Variants in AGBL4 observed in about 807,000 individuals in gnomAD.
AGBL4 encodes the protein cytosolic carboxypeptidase 6.
A neutral mutation model predicts 66.4 loss-of-function variants in AGBL4; 58 were observed. The ratio of observed to expected loss-of-function variants is 0.87; its 90% CI spans 0.71 to 1.09. The LOEUF (loss-of-function observed/expected upper bound fraction) is 1.09, where lower values mean the gene tolerates loss of function less well. Among genes scored for constraint, AGBL4 ranks in the 50% least tolerant of loss-of-function variants. The probability of loss-of-function intolerance (pLI) is 0.00; values close to 1 mark genes in which losing one functional copy is unlikely to be tolerated. For missense variants in AGBL4, 579 were observed against 631.0 expected (o/e 0.92, Z 0.88); for synonymous variants, 234 against 222.9 (o/e 1.05, Z -0.44).
chr1:49,118,577 ATG>A (rs1413981690), intron 4 of AGBL4, among the ~76,000 whole-genome samples: 3 of 152,042 alleles, frequency 2.0e-5, no homozygotes, highest in Non-Finnish European at 4.4e-5. Context: ...AAGCTTTTTG[ATG>A]TGCTGCTGGA....
At chr1:48,689,442 C>T (rs150293883) in intron 6 of AGBL4, among the ~76,000 whole-genome samples, 10,055 of 145,196 alleles carry the variant, frequency 0.069, 1,169 homozygotes, top group African/African-American at 0.26. Flanking sequence ...CTTTCCTTCC[C>T]TCCCTCCCTC....
chr1:49,413,386 T>A (rs1390873532), intron 3 of AGBL4, among the ~76,000 whole-genome samples: 1 of 152,126 alleles, frequency 6.6e-6, no homozygotes, highest in Admixed American at 6.6e-5. Flanking sequence ...TAAGAAGGCA[T>A]TAAACAAATA....
chr1:49,837,566 G>A (rs1406597723), intron 2 of AGBL4, among the ~76,000 whole-genome samples: 1 of 152,158 alleles, frequency 6.6e-6, no homozygotes, highest in Non-Finnish European at 1.5e-5. Context: ...GCTTCTCCTG[G>A]CCAGATGCAG....
At chr1:48,944,815 T>C (rs12038807) in intron 5 of AGBL4, among the ~76,000 whole-genome samples, 13,767 of 152,250 alleles carry the variant, frequency 0.09, 707 homozygotes, top group Non-Finnish European at 0.1. Flanking sequence ...GTGTTACATA[T>C]GGGGAAAGCA....
chr1:50,019,967 T>G (rs1300892396), intron 1 of AGBL4, among the ~76,000 whole-genome samples: 1 of 152,082 alleles, frequency 6.6e-6, no homozygotes, highest in Non-Finnish European at 1.5e-5. Flanking sequence ...TTTATAAATC[T>G]GACCCTCTTA....
chr1:49,665,984 TATTTTAATATTTTTAAAATTTTTAAAAA>T (rs1646358182), intron 3 of AGBL4, among the ~76,000 whole-genome samples: 1 of 151,318 alleles, frequency 6.6e-6, no homozygotes, highest in Non-Finnish European at 1.5e-5. Context: ...TTTTTAAAAA[TATTTTAATATTTTTAAAATTTTTAAAAA>T]ATTTTTTTTC....
At chr1:49,539,927 G>A (rs1570980154) in intron 3 of AGBL4, among the ~76,000 whole-genome samples, 1 of 152,176 alleles carries the variant, frequency 6.6e-6, no homozygotes, top group Admixed American at 6.5e-5. Flanking sequence ...ATTTGGAGTG[G>A]AGTGTTCATA....
At chr1:49,891,575 A>G (rs1171471621) in intron 1 of AGBL4, among the ~76,000 whole-genome samples, 1 of 152,196 alleles carries the variant, frequency 6.6e-6, no homozygotes, top group African/African-American at 2.4e-5. Flanking sequence ...CTAACCTAGT[A>G]AGTCAAAGAA....
intron 4 of AGBL4, among the ~76,000 whole-genome samples, chr1:49,180,414 C>G (rs1479487489): frequency 6.6e-6 from 1 of 152,176 alleles, no homozygotes; most frequent in African/African-American, 2.4e-5. Context: ...TGTCATTTAT[C>G]TGGCCCCTGC....
At chr1:49,363,322 C>G (rs1247121393) in intron 3 of AGBL4, among the ~76,000 whole-genome samples, 1 of 152,096 alleles carries the variant, frequency 6.6e-6, no homozygotes, top group Non-Finnish European at 1.5e-5. Context: ...AATGAGGACC[C>G]CAAAAGTACA....
At chr1:49,877,364 T>C (rs887704880) in intron 1 of AGBL4, among the ~76,000 whole-genome samples, 26 of 152,174 alleles carry the variant, frequency 1.7e-4, no homozygotes, top group African/African-American at 5.8e-4. Flanking sequence ...AGTTTTTAGC[T>C]TGAAGGGTTG....
intron 3 of AGBL4, among the ~76,000 whole-genome samples, chr1:49,542,908 A>AAG (rs1558035577): frequency 6.7e-6 from 1 of 148,716 alleles, no homozygotes; most frequent in East Asian, 1.9e-4. Flanking sequence ...AAAAAAAAAA[A>AAG]AAAAAAAAAA....
chr1:48,741,776 G>A (rs764618226), intron 6 of AGBL4, among the ~76,000 whole-genome samples: 4 of 152,136 alleles, frequency 2.6e-5, no homozygotes, highest in Admixed American at 1.3e-4. Context: ...AACACATGAC[G>A]CGTTAAGGAG....
chr1:48,763,734 T>C (rs1425325313), intron 6 of AGBL4, among the ~76,000 whole-genome samples: 1 of 152,204 alleles, frequency 6.6e-6, no homozygotes, highest in East Asian at 1.9e-4. Context: ...CACAAAACCA[T>C]GTTAACATCT....
chr1:49,387,262 G>A (rs1570591144), intron 3 of AGBL4, among the ~76,000 whole-genome samples: 1 of 151,902 alleles, frequency 6.6e-6, no homozygotes, highest in African/African-American at 2.4e-5. Context: ...TGTGATAATA[G>A]CTTTACATGC....
At chr1:48,801,909 AC>A (rs970555377) in intron 6 of AGBL4, among the ~76,000 whole-genome samples, 4 of 42,388 alleles carry the variant, frequency 9.4e-5, no homozygotes, top group Non-Finnish European at 2.1e-4. Flanking sequence ...CTCCATAATA[AC>A]TTTTTTTTTT....
chr1:49,478,581 A>C (rs1646891655), intron 3 of AGBL4, among the ~76,000 whole-genome samples: 1 of 152,044 alleles, frequency 6.6e-6, no homozygotes, highest in Admixed American at 6.6e-5. Context: ...TGCCATATAA[A>C]AAATGCTAAA....
intron 8 of AGBL4, among the ~76,000 whole-genome samples, chr1:48,649,189 C>A (rs1010194206): frequency 2.0e-5 from 3 of 152,142 alleles, no homozygotes; most frequent in African/African-American, 7.2e-5. Flanking sequence ...CATAAATAAA[C>A]ACATAATTAC....
intron 9 of AGBL4, among the ~76,000 whole-genome samples, chr1:48,591,684 T>A (rs1479401361): frequency 1.3e-5 from 2 of 152,220 alleles, no homozygotes; most frequent in African/African-American, 4.8e-5. Context: ...GAGTCTTAGT[T>A]AACTCTTTGA....
Sources: allele counts gnomAD v4.1 joint callset (sites outside exome capture counted in the v4.1 genomes callset), GRCh38; gene constraint gnomAD v4.1.1; transcripts MANE v1.5; gene names NCBI Gene and HGNC (gene_info 2026-07-23, HGNC 2026-07-21).